Variants in TKTL1 observed in about 807,000 individuals in gnomAD.
The protein encoded by TKTL1 is transketolase like 1.
A neutral mutation model predicts 39.3 loss-of-function variants in TKTL1; 1 was observed. That is an observed-to-expected ratio of 0.03 (90% CI 0.01 to 0.12). TKTL1 has a LOEUF of 0.12. TKTL1 is among the 10% of genes least tolerant of loss of function. TKTL1 has a pLI of 1.00. For missense variants in TKTL1, 575 were observed against 509.6 expected, an observed-to-expected ratio of 1.13 and a Z score of -1.24; for synonymous variants, 262 against 193.8, an observed-to-expected ratio of 1.35 and a Z score of -2.92.
chrX:154,301,657 T>C (rs1184820414), intron 1 of TKTL1, among the ~76,000 whole-genome samples: 1 of 112,490 alleles, frequency 8.9e-6, no homozygotes, highest in African/African-American at 3.2e-5. Context: ...TAGTAACAGA[T>C]GGCTGCATTT....
At chrX:154,328,544 T>A (rs1463490064) in intron 12 of TKTL1, among the ~76,000 whole-genome samples, 2 of 17,527 alleles carry the variant, frequency 1.1e-4, no homozygotes, top group Non-Finnish European at 2.2e-4. Flanking sequence ...AGACTCTGCC[T>A]CAAAAAAAAA....
chrX:154,324,235 C>T (rs2067476170), intron 9 of TKTL1, among the ~76,000 whole-genome samples: 1 of 111,506 alleles, frequency 9.0e-6, no homozygotes, highest in African/African-American at 3.3e-5. Flanking sequence ...CAGCCTCCGC[C>T]TCCCAGATTC....
intron 10 of TKTL1, chrX:154,327,310 T>TA: frequency 2.0e-6 from 1 of 499,943 alleles, no homozygotes; most frequent in East Asian, 4.1e-5. Context: ...ATTAACATGT[T>TA]AGTCACTGGA....
At chrX:154,312,212 C>T (rs782813020) in intron 5 of TKTL1, among the ~76,000 whole-genome samples, 78 of 112,599 alleles carry the variant, frequency 6.9e-4, no homozygotes, top group African/African-American at 2.4e-3. Flanking sequence ...CTTCCACTCA[C>T]CAGTGGCCCT....
chrX:154,313,251 C>T (rs2067372532), intron 6 of TKTL1, among the ~76,000 whole-genome samples: 2 of 112,626 alleles, frequency 1.8e-5, no homozygotes, highest in Admixed American at 9.4e-5. Flanking sequence ...GACTCTGTGT[C>T]TCCGCTAAGA....
intron 6 of TKTL1, among the ~76,000 whole-genome samples, chrX:154,314,067 C>T (rs61314549): frequency 9.1e-6 from 1 of 110,486 alleles, no homozygotes; most frequent in African/African-American, 3.3e-5. Flanking sequence ...GGTATAAAAA[C>T]CTTAAATGGA....
At chrX:154,311,899 C>T (rs1557168441) in intron 5 of TKTL1, among the ~76,000 whole-genome samples, 1 of 110,806 alleles carries the variant, frequency 9.0e-6, no homozygotes, top group Non-Finnish European at 1.9e-5. Context: ...CTCATATGCC[C>T]ACACATAGAC....
chrX:154,328,745 GC>G (rs1363987596), intron 12 of TKTL1, among the ~76,000 whole-genome samples: 5 of 109,984 alleles, frequency 4.5e-5, no homozygotes, highest in African/African-American at 1.6e-4. Flanking sequence ...TGCGGCAGGG[GC>G]CCTCTGAGCC....
At chrX:154,305,000 A>G in intron 1 of TKTL1, 1 of 1,042,589 alleles carries the variant, frequency 9.6e-7, no homozygotes, top group South Asian at 2.0e-5. Context: ...CGGCATGTGG[A>G]AAGGCCACAG....
chrX:154,315,104 TC>T, intron 6 of TKTL1, 68 bp from the exon 7 acceptor site: 1 of 1,057,327 alleles, frequency 9.5e-7, no homozygotes, highest in Non-Finnish European at 1.3e-6. Context: ...TATGGTACCT[TC>T]CTTCTGTAGT....
chrX:154,315,226 C>T lies in TKTL1; in HGVS notation c.918C>T (p.Asn306=). The T allele has an allele frequency of 8.3e-7, 1 of 1,211,586 alleles. No homozygotes were observed. Among genetic ancestry groups the T allele is most frequent in the South Asian group, 1.8e-5 (1 of 56,959 alleles). The change falls in exon 7 of 13, where the codon AAC becomes AAT. Residue 306 remains asparagine, a synonymous_variant. Coordinates refer to ENST00000369915, the MANE Select transcript of TKTL1 (RefSeq NM_012253.4). ...GLALAKLGYA[N]NRVVVLDGDT... ...CTCTGGCTAAGCTGGGCTACGCGAA[C>T]AACAGAGTCGTTGTGCTGGATGGTG...
chrX:154,306,653 T>G (rs2067317207), intron 2 of TKTL1, among the ~76,000 whole-genome samples: 1 of 110,980 alleles, frequency 9.0e-6, no homozygotes, highest in Non-Finnish European at 1.9e-5. Flanking sequence ...GTTCTTTTTT[T>G]GGGGAGGTAG....
At chrX:154,314,496 C>CA (rs1416332872) in intron 6 of TKTL1, among the ~76,000 whole-genome samples, 2 of 111,432 alleles carry the variant, frequency 1.8e-5, no homozygotes, top group Non-Finnish European at 3.8e-5. Context: ...TGATCATCAT[C>CA]ATACACACTA....
At chrX:154,298,450 G>A (rs1376770659) in intron 1 of TKTL1, among the ~76,000 whole-genome samples, 1 of 112,197 alleles carries the variant, frequency 8.9e-6, no homozygotes, top group Non-Finnish European at 1.9e-5. Context: ...GGTGGCTCAC[G>A]CCTGTAACCT....
At chrX:154,323,461 A>G (rs2067468386) in intron 9 of TKTL1, 124 bp downstream of exon 9, 7 of 832,151 alleles carry the variant, frequency 8.4e-6, no homozygotes, top group Non-Finnish European at 1.2e-5. Flanking sequence ...ATTTGGTGAT[A>G]GAATTCTTTA....
chrX:154,313,635 G>A (rs1302025982), intron 6 of TKTL1, among the ~76,000 whole-genome samples: 4 of 111,385 alleles, frequency 3.6e-5, no homozygotes, highest in Non-Finnish European at 7.5e-5. Context: ...GAAAGGAGAC[G>A]GTATATCAAC....
chrX:154,311,859 C>T (rs782031790), intron 5 of TKTL1, among the ~76,000 whole-genome samples: 11 of 111,203 alleles, frequency 9.9e-5, no homozygotes, highest in African/African-American at 3.3e-4. Context: ...CTGGCAGGAC[C>T]CTGGGTGTTG....
At chrX:154,307,399 A>G (rs1249845890) in intron 2 of TKTL1, among the ~76,000 whole-genome samples, 2 of 111,983 alleles carry the variant, frequency 1.8e-5, no homozygotes, top group African/African-American at 6.5e-5. Flanking sequence ...CACATGAAGC[A>G]TAGTCCATTG....
chrX:154,325,907 G>A (rs138412245), intron 10 of TKTL1, among the ~76,000 whole-genome samples: 7 of 111,752 alleles, frequency 6.3e-5, no homozygotes, highest in East Asian at 5.6e-4. Context: ...ATAGAGGAGC[G>A]CAGGAATTCA....
Sources: allele counts gnomAD v4.1 joint callset (sites outside exome capture counted in the v4.1 genomes callset), GRCh38; gene constraint gnomAD v4.1.1; transcripts MANE v1.5; gene names NCBI Gene and HGNC (gene_info 2026-07-23, HGNC 2026-07-21).